DUSP26: variants seen among roughly 807,000 people sequenced by gnomAD.
DUSP26 encodes dual specificity protein phosphatase 26.
Under a neutral mutation model 20.0 loss-of-function variants are expected in DUSP26, and 12 were observed. That is an observed-to-expected ratio of 0.60 (90% CI 0.38 to 0.97). The LOEUF (loss-of-function observed/expected upper bound fraction) is 0.97, where lower values mean the gene tolerates loss of function less well. Among genes scored for constraint, DUSP26 ranks in the 50% least tolerant of loss-of-function variants. The pLI, the probability that DUSP26 is intolerant of heterozygous loss-of-function variation, is 0.00. For synonymous variants in DUSP26, 120 were observed against 118.8 expected (o/e 1.01, Z -0.06); for missense variants, 230 against 294.0 (o/e 0.78, Z 1.59).
intron 3 of DUSP26, among the ~76,000 whole-genome samples, chr8:33,593,072 G>C (rs1811059464): frequency 6.6e-6 from 1 of 152,104 alleles, no homozygotes. Context: ...AGGAGTTCAG[G>C]ACCAGCCTGG....
rs74640943 is a variant in DUSP26 at position 33,596,676 on chromosome 8, T to C, written c.221+619A>G. 1.7e-4 allele frequency among the ~76,000 whole-genome samples: 26 copies of C among 152,284 alleles called. No homozygotes were observed. The East Asian group carries it at 4.8e-3, about 28-fold the overall frequency. On this transcript the variant is annotated intron_variant, in intron 2 of 3. Transcript: ENST00000256261. ...TGAGGGAGAGAAGTGGGGATGGCTC[T>C]TCCTTTGATGTTTTTCTCTCCATAG...
chr8:33,592,538 CAAAAAAAAAAAAAAAA>C (rs745687703), intron 3 of DUSP26, among the ~76,000 whole-genome samples: 1 of 23,764 alleles, frequency 4.2e-5, no homozygotes, highest in African/African-American at 1.7e-4. Context: ...AACCCCATCT[CAAAAAAAAAAAAAAAA>C]AAAAAAAAAA....
At position 33,591,985 on chromosome 8, in the gene DUSP26, G is replaced by A. The variant is rs751396402; in HGVS notation, c.*28C>T. 4 of 1,609,926 alleles carry A rather than the reference G, an allele frequency of 2.5e-6. No homozygotes were observed. The highest frequency in any genetic ancestry group is 3.4e-6 in the Non-Finnish European group (4 of 1,179,664). ...CTGGGAGCCAGGGACCTACCCACGG[G>A]CCTGGCCTGACCTCTCTCCCCCTCC... On this transcript the variant is annotated 3_prime_UTR_variant, in exon 4 of 4. Transcript: ENST00000256261.
chr8:33,592,007 C>G lies in DUSP26; in HGVS notation c.*6G>C, dbSNP rs748987864. 6.2e-6 allele frequency: 10 copies of G among 1,612,842 alleles called. No homozygotes were observed. The highest frequency in any genetic ancestry group is 1.3e-5 in the African/African-American group (1 of 74,892). ...CGGGCCTGGCCTGACCTCTCTCCCC[C>G]TCCCCTCATGCTTCCAGACCCTGCC... is the stretch of plus-strand genomic sequence containing the variant. On this transcript the variant is annotated 3_prime_UTR_variant, in exon 4 of 4. Transcript: ENST00000256261.
At chr8:33,596,155 G>A (rs1331910677) in intron 2 of DUSP26, among the ~76,000 whole-genome samples, 1 of 152,214 alleles carries the variant, frequency 6.6e-6, no homozygotes, top group East Asian at 1.9e-4. Context: ...GTGGTGATGG[G>A]CGTCTGTAAG....
intron 2 of DUSP26, among the ~76,000 whole-genome samples, chr8:33,594,578 C>A (rs1349736955): frequency 6.6e-6 from 1 of 151,384 alleles, no homozygotes; most frequent in Non-Finnish European, 1.5e-5. Flanking sequence ...GGTGACAGAG[C>A]AAGACTCCAT....
Position 33,593,687 on chromosome 8 carries a change from G to A in DUSP26, c.282C>T (p.Ala94=), listed in dbSNP as rs1248608885. Residue 94 remains alanine, a synonymous_variant, in exon 3 of 4, where the codon GCC becomes GCT. Transcript: ENST00000256261. The part of the protein sequence containing the change: ...RRLGITHVLN[A]SHSRWRGTPE... The stretch of plus-strand genomic sequence containing the variant: ...GCGTGCCTCGCCACCGGCTGTGTGA[G>A]GCATTGAGGACGTGCGTGATGCCCA... The A allele has an allele frequency of 3.1e-6, 5 of 1,614,218 alleles. No homozygotes were observed. Among genetic ancestry groups the A allele is most frequent in the Non-Finnish European group, 4.2e-6 (5 of 1,180,040 alleles).
intron 1 of DUSP26, among the ~76,000 whole-genome samples, chr8:33,599,115 C>T (rs1248347340): frequency 6.6e-6 from 1 of 152,114 alleles, no homozygotes; most frequent in Non-Finnish European, 1.5e-5. Context: ...AGCACTACAG[C>T]CATCATCACC....
rs910682896 is a variant in DUSP26, at chr8:33,593,448, A to G, written c.436+85T>C. 6.2e-6 allele frequency: 9 copies of G among 1,454,636 alleles called. No homozygotes were observed. The Admixed American group carries it at 1.2e-4, about 20-fold the overall frequency. 90.1% of individuals were successfully genotyped at this position (1,454,636 alleles called of 1,614,324 possible). ...ATCCTGAGCATTTTGTCATGTCACTAAAATCTCACTCCACTCTCAGACCCT... is the reference window on the plus strand; with the variant it reads ...ATCCTGAGCATTTTGTCATGTCACTGAAATCTCACTCCACTCTCAGACCCT... On this transcript the variant is annotated intron_variant, in intron 3 of 3. Transcript: ENST00000256261.
At chr8:33,599,318 C>T (rs746825870) in intron 1 of DUSP26, among the ~76,000 whole-genome samples, 1 of 152,174 alleles carries the variant, frequency 6.6e-6, no homozygotes, top group Non-Finnish European at 1.5e-5. Context: ...AGAAGGATCT[C>T]CGTGGGGCTG....
At chr8:33,596,853 T>G (rs969059496) in intron 2 of DUSP26, among the ~76,000 whole-genome samples, 1 of 152,358 alleles carries the variant, frequency 6.6e-6, no homozygotes, top group Middle Eastern at 3.4e-3. Flanking sequence ...AGTCATCTAT[T>G]GTGCCTGGTA....
At position 33,592,157 on chromosome 8, in the gene DUSP26, C is replaced by T. The variant is rs778641285; in HGVS notation, c.492G>A (p.Leu164=). The T allele has an allele frequency of 1.2e-6, 2 of 1,613,964 alleles. No homozygotes were observed. The highest frequency in any genetic ancestry group is 1.7e-6 in the Non-Finnish European group (2 of 1,179,960). ...VGVSRSATLV[L]AYLMLYHHLT... ...GGTGGTGGTACAGCATGAGGTAGGCCAGTACCAGGGTGGCGGATCGGCTCA... is the reference window on the plus strand; with the variant it reads ...GGTGGTGGTACAGCATGAGGTAGGCTAGTACCAGGGTGGCGGATCGGCTCA... The change falls in exon 4 of 4, where the codon CTG becomes CTA. Residue 164 remains leucine (L), a synonymous_variant. Transcript: ENST00000256261.
At chr8:33,598,447 G>A (rs866144643) in intron 1 of DUSP26, among the ~76,000 whole-genome samples, 7 of 145,650 alleles carry the variant, frequency 4.8e-5, no homozygotes, top group Non-Finnish European at 1.1e-4. Flanking sequence ...GGGAATTGAC[G>A]CAGGGTTGGA....
intron 3 of DUSP26, 133 bp from the exon 4 acceptor site, chr8:33,592,345 A>G: frequency 2.4e-6 from 2 of 825,370 alleles, no homozygotes; most frequent in Non-Finnish European, 3.7e-6. Context: ...CCGAAGGGGG[A>G]AGATTGCCTG....
intron 2 of DUSP26, among the ~76,000 whole-genome samples, chr8:33,597,061 A>G (rs1025036959): frequency 6.6e-6 from 1 of 151,984 alleles, no homozygotes; most frequent in African/African-American, 2.4e-5. Flanking sequence ...AGCCTTTCAA[A>G]CTGCTGGGAT....
Position 33,597,535 on chromosome 8 carries a change from G to A in DUSP26, c.-20C>T, listed in dbSNP as rs367925602. 8.2e-6 allele frequency: 13 copies of A among 1,589,662 alleles called. No homozygotes were observed. The highest frequency in any genetic ancestry group is 1.7e-5 in the Admixed American group (1 of 57,888). On this transcript the variant is annotated 5_prime_UTR_variant, in exon 2 of 4. In the 5' UTR this introduces an upstream ATG that the reference lacks. Transcript: ENST00000256261. ...GCACATCTTAGAGGTGGCAGAAACCGTGGCAGCTGCAGGAGTGGCTGTGGT... is the reference window on the plus strand; with the variant it reads ...GCACATCTTAGAGGTGGCAGAAACCATGGCAGCTGCAGGAGTGGCTGTGGT...
intron 1 of DUSP26, chr8:33,597,879 G>GCACA: frequency 1.2e-5 from 1 of 85,710 alleles, no homozygotes; most frequent in Non-Finnish European, 2.1e-5. Context: ...CTGCCAGCAC[G>GCACA]CATACACACA....
intron 1 of DUSP26, 90 bp from the exon 2 acceptor site, chr8:33,597,681 G>C: frequency 1.6e-6 from 1 of 611,372 alleles, no homozygotes; most frequent in South Asian, 2.2e-5. Flanking sequence ...GAAGATTCTC[G>C]AGGGAGAGAA....
At chr8:33,592,246 T>G (rs753712843) in intron 3 of DUSP26, 34 bp from the exon 4 acceptor site, 2 of 1,540,334 alleles carry the variant, frequency 1.3e-6, no homozygotes, top group Non-Finnish European at 1.8e-6. Flanking sequence ...GCTTTGAGAC[T>G]GCTTGTGGCA....
Sources: allele counts gnomAD v4.1 joint callset (sites outside exome capture counted in the v4.1 genomes callset), GRCh38; gene constraint gnomAD v4.1.1; transcripts MANE v1.5; gene names NCBI Gene and HGNC (gene_info 2026-07-23, HGNC 2026-07-21).